SH3BP2: variants seen among roughly 807,000 people sequenced by gnomAD.
The protein encoded by SH3BP2 is SH3 domain-binding protein 2.
A neutral mutation model predicts 56.2 loss-of-function variants in SH3BP2; 38 were observed. The observed-to-expected ratio is 0.68, with a 90% CI of 0.52 to 0.89. The LOEUF (loss-of-function observed/expected upper bound fraction) is 0.89, where lower values mean the gene tolerates loss of function less well. SH3BP2 is among the 40% of genes least tolerant of loss of function. The pLI is 0.00. For synonymous variants in SH3BP2, 346 were observed against 316.7 expected (o/e 1.09, Z -0.98); for missense variants, 748 against 762.6 (o/e 0.98, Z 0.23).
intron 1 of SH3BP2, among the ~76,000 whole-genome samples, chr4:2,815,807 G>T (rs1462858341): frequency 6.6e-6 from 1 of 152,200 alleles, no homozygotes; most frequent in Non-Finnish European, 1.5e-5. Context: ...TCCCCCCTGG[G>T]CTGGGTCTGA....
At chr4:2,806,015 C>T (rs938361882) in intron 1 of SH3BP2, among the ~76,000 whole-genome samples, 2 of 152,226 alleles carry the variant, frequency 1.3e-5, no homozygotes, top group Non-Finnish European at 2.9e-5. Flanking sequence ...TTCCTCCCTT[C>T]CCTTGACACT....
intron 1 of SH3BP2, chr4:2,818,128 C>T: frequency 1.4e-6 from 1 of 730,282 alleles, no homozygotes; most frequent in Non-Finnish European, 1.7e-6. Flanking sequence ...CGGCAGGGGG[C>T]GGGGCCGGGA....
intron 5 of SH3BP2, among the ~76,000 whole-genome samples, chr4:2,826,107 C>A (rs1466551359): frequency 6.6e-6 from 1 of 152,266 alleles, no homozygotes; most frequent in Non-Finnish European, 1.5e-5. Context: ...CCTCTTGAGG[C>A]AGGAGCAGGT....
In SH3BP2 at chr4:2,825,506, GCACA is replaced by G. The variant is rs148968683; in HGVS notation, c.428+319_428+322del. Among the ~76,000 whole-genome samples, 86 of 150,080 alleles carry G rather than the reference GCACA, an allele frequency of 5.7e-4. No individual in the cohort carries two copies. In the East Asian group the frequency reaches 6.2e-3, roughly 11 times the overall value. On this transcript the variant is annotated intron_variant, in intron 5 of 12. Coordinates refer to ENST00000503393, the MANE Select transcript of SH3BP2 (RefSeq NM_001122681.2). ...CACACACAGAGCAACACGTGGACAT[GCACA>G]CACACACAGCAACACGTGGACATGC...
intron 1 of SH3BP2, among the ~76,000 whole-genome samples, chr4:2,804,121 G>T (rs1723434822): frequency 6.6e-6 from 1 of 152,110 alleles, no homozygotes; most frequent in Non-Finnish European, 1.5e-5. Context: ...CCTGGCCTCG[G>T]TTTCCTGCTC....
intron 1 of SH3BP2, chr4:2,818,211 A>G (rs966037674): frequency 7.1e-6 from 7 of 986,926 alleles, no homozygotes; most frequent in Non-Finnish European, 8.4e-6. Context: ...CTGCCAGGCC[A>G]GGGCCGGCGG....
chr4:2,832,868 C>T (rs995792716), intron 11 of SH3BP2, 122 bp from the exon 12 acceptor site: 10 of 980,342 alleles, frequency 1.0e-5, no homozygotes, highest in Admixed American at 3.4e-5. Context: ...TCCCTCCCCG[C>T]CCCCCGAGGG....
In SH3BP2 at chr4:2,834,149, C is replaced by G. The variant is rs1725151071; in HGVS notation, c.*315C>G. 6.0e-6 allele frequency: 2 copies of G among 332,418 alleles called. No individual in the cohort carries two copies. Among genetic ancestry groups the G allele is most frequent in the Non-Finnish European group, 1.1e-5 (2 of 178,036 alleles). The allele number at this position is 332,418 out of a possible 1,614,324, so 20.6% of individuals were successfully genotyped here. A position where few individuals can be genotyped will look rare whatever the true frequency, so the allele number is the denominator to read the frequency against. On this transcript the variant is annotated 3_prime_UTR_variant, in exon 13 of 13. Coordinates refer to ENST00000503393, the MANE Select transcript of SH3BP2 (RefSeq NM_001122681.2). ...CAGGAACACTGGTCCCCCCATCACA[C>G]TCACCCCTAAGTGGGCTGGGAGCCA...
intron 3 of SH3BP2, chr4:2,823,359 C>G (rs112966194): frequency 1.2e-5 from 6 of 492,196 alleles, no homozygotes; most frequent in Non-Finnish European, 2.4e-5. Flanking sequence ...CCTCCCTCCC[C>G]ACCTTGCCCC....
At position 2,820,643 on chromosome 4, in the gene SH3BP2, CT is replaced by C. The variant is rs1218851875; in HGVS notation, c.27del (p.Val10SerfsTer3). MAAEEMHW[P>X]VPMKAIGAQN... Reference sequence around the variant, plus strand: ...ATGGCGGCTGAAGAGATGCATTGGCCTGTCCCTATGAAGGCCATTGGTGCCC... The same window carrying C: ...ATGGCGGCTGAAGAGATGCATTGGCCGTCCCTATGAAGGCCATTGGTGCCC... On this transcript the variant is annotated frameshift_variant, in exon 2 of 13. Coordinates refer to ENST00000503393, the MANE Select transcript of SH3BP2 (RefSeq NM_001122681.2). LOFTEE classifies it high-confidence loss of function. 1 of 1,614,192 alleles carries C rather than the reference CT, an allele frequency of 6.2e-7. No homozygotes were observed.
intron 3 of SH3BP2, 22 bp downstream of exon 3, chr4:2,823,059 T>C (rs374042708): frequency 3.9e-5 from 60 of 1,556,816 alleles, no homozygotes; most frequent in Non-Finnish European, 5.1e-5. Context: ...ACCTGCCTGC[T>C]GACCTCGGGC....
Position 2,831,534 on chromosome 4 carries a change from G to T in SH3BP2, c.1242-37G>T. On this transcript the variant is annotated intron_variant, in intron 8 of 12. Coordinates refer to ENST00000503393, the MANE Select transcript of SH3BP2 (RefSeq NM_001122681.2). The surrounding 1 kb of genome is among the most constrained non-coding windows in gnomAD (Gnocchi z 4.1). ...GAGGGTGGCCGCCCCGTGTCTGACA[G>T]TGAAATGGTCCTGCCTTCCTCTCCC... 6.6e-7 allele frequency: 1 copy of T among 1,505,518 alleles called. No homozygotes were observed. The highest frequency in any genetic ancestry group is 2.4e-5 in the East Asian group (1 of 40,844). 93.3% of individuals were successfully genotyped at this position (1,505,518 alleles called of 1,614,324 possible). A position where few individuals can be genotyped will look rare whatever the true frequency, so the allele number is the denominator to read the frequency against.
At chr4:2,802,355 C>CT (rs1301841172) in intron 1 of SH3BP2, among the ~76,000 whole-genome samples, 1 of 151,656 alleles carries the variant, frequency 6.6e-6, no homozygotes, top group East Asian at 1.9e-4. Flanking sequence ...GATCGTGCCA[C>CT]TGCATTCTAG....
chr4:2,805,133 C>T (rs892795202), intron 1 of SH3BP2, among the ~76,000 whole-genome samples: 3 of 152,172 alleles, frequency 2.0e-5, no homozygotes, highest in Non-Finnish European at 1.5e-5. Flanking sequence ...GTCTGGTTGG[C>T]GGGAGCCCTC....
chr4:2,820,578 C>A, intron 1 of SH3BP2, 36 bp from the exon 2 acceptor site: 1 of 1,613,924 alleles, frequency 6.2e-7, no homozygotes, highest in South Asian at 1.1e-5. Context: ...CCTGCCTGAC[C>A]GTAGCTGAGC....
At chr4:2,816,158 G>A (rs533621468) in intron 1 of SH3BP2, among the ~76,000 whole-genome samples, 2 of 151,904 alleles carry the variant, frequency 1.3e-5, no homozygotes, top group African/African-American at 4.8e-5. Context: ...GGGTTCAAGC[G>A]ATTCTCCTGC....
rs1247705797 is a variant in SH3BP2, at chr4:2,829,461, C to T, written c.587-32C>T. On this transcript the variant is annotated intron_variant, in intron 7 of 12. Coordinates refer to ENST00000503393, the MANE Select transcript of SH3BP2 (RefSeq NM_001122681.2). The surrounding 1 kb of genome is among the most constrained non-coding windows in gnomAD (Gnocchi z 4.9). ...AGGATAGTGTTGGCCCAGTCTCTGT[C>T]AGGGTCCAACCCGGGTCTCTTTGCT... 2 of 1,611,266 alleles carry T rather than the reference C, an allele frequency of 1.2e-6. No individual in the cohort carries two copies. Among genetic ancestry groups the T allele is most frequent in the South Asian group, 1.1e-5 (1 of 91,038 alleles).
At chr4:2,800,879 G>A (rs1723247447) in intron 1 of SH3BP2, among the ~76,000 whole-genome samples, 1 of 152,192 alleles carries the variant, frequency 6.6e-6, no homozygotes, top group Non-Finnish European at 1.5e-5. Flanking sequence ...CAGCCTGAGA[G>A]GTGTCCGGCG....
chr4:2,829,755 C>T lies in SH3BP2; in HGVS notation c.849C>T (p.Ser283=), dbSNP rs750082688. The T allele has an allele frequency of 4.3e-6, 7 of 1,612,834 alleles. No homozygotes were observed. In the Admixed American group the frequency reaches 5.0e-5, roughly 12 times the overall value. ...GAAGGATGAGCGATCCCCCTCTGAG[C>T]ACCATGCCCACCGCACCCGGCCTCC... The part of the protein sequence containing the change: ...TPRRMSDPPL[S]TMPTAPGLRK... Residue 283 remains serine (S), a synonymous_variant, in exon 8 of 13, where the codon AGC becomes AGT. Coordinates refer to ENST00000503393, the MANE Select transcript of SH3BP2 (RefSeq NM_001122681.2). This position sits in a 1 kb window ranked among gnomAD's most constrained non-coding sequence, Gnocchi z 4.9.
Sources: allele counts gnomAD v4.1 joint callset (sites outside exome capture counted in the v4.1 genomes callset), GRCh38; gene constraint gnomAD v4.1.1; non-coding constraint Gnocchi (gnomAD v3.1); transcripts MANE v1.5; gene names NCBI Gene and HGNC (gene_info 2026-07-23, HGNC 2026-07-21).